Variants in TDRD12 observed in about 807,000 individuals in gnomAD.
TDRD12 encodes putative ATP-dependent RNA helicase TDRD12.
TDRD12 carries 158 observed loss-of-function variants against 133.5 expected under a neutral mutation model. The observed-to-expected ratio is 1.18, with a 90% CI of 1.04 to 1.35. The LOEUF is 1.35. TDRD12 is among the 40% of genes most tolerant of loss of function. TDRD12 has a pLI of 0.00. For synonymous variants in TDRD12, 460 were observed against 477.9 expected (o/e 0.96, Z 0.49); for missense variants, 1,443 against 1,321.3 (o/e 1.09, Z -1.43).
chr19:32,800,842 T>G, intron 18 of TDRD12, 70 bp downstream of exon 18: 2 of 1,414,330 alleles, frequency 1.4e-6, no homozygotes, highest in Non-Finnish European at 1.9e-6. Context: ...ATCACAAAAT[T>G]ACTGGGGTGG....
chr19:32,821,294 G>C, downstream of TDRD12: 1 of 708,116 alleles, frequency 1.4e-6, no homozygotes, highest in Non-Finnish European at 2.3e-6. Context: ...TCAGCCCCCA[G>C]TGTTTTGTTT....
At chr19:32,827,374 T>TTTCTTTTCA in exon 10 of TDRD12, 1 of 210,076 alleles carries the variant, frequency 4.8e-6, no homozygotes. Context: ...TTTCTTTTCT[T>TTTCTTTTCA]TTTTTTTTTT....
chr19:32,826,863 C>A, intron 9 of TDRD12, 114 bp downstream of exon 32: 1 of 641,712 alleles, frequency 1.6e-6, no homozygotes, highest in Non-Finnish European at 2.2e-6. Flanking sequence ...CATGTCAAGC[C>A]CTGAGAAATC....
chr19:32,730,603 G>C (rs1439753927), intron 1 of TDRD12, among the ~76,000 whole-genome samples: 1 of 152,108 alleles, frequency 6.6e-6, no homozygotes, highest in Non-Finnish European at 1.5e-5. Flanking sequence ...CTTCAGAAAA[G>C]TAGAAATAAT....
At chr19:32,805,159 A>G (rs944670626) in intron 21 of TDRD12, among the ~76,000 whole-genome samples, 1 of 140,218 alleles carries the variant, frequency 7.1e-6, no homozygotes, top group Non-Finnish European at 1.5e-5. Context: ...TGTATTATAT[A>G]TGTTATATAT....
rs200844127 is a variant in TDRD12, at chr19:32,734,112, GTCTTGATC to G, written c.183+2232_183+2239del. On this transcript the variant is annotated intron_variant, in intron 2 of 27. Transcript: ENST00000444215. ...GGATTTCACCCTGGTAGCCAGGATGGTCTTGATCTCCTGACTTCATGATCCACCCGTCT... is the reference window on the plus strand; with the variant it reads ...GGATTTCACCCTGGTAGCCAGGATGGTCCTGACTTCATGATCCACCCGTCT... Among the ~76,000 whole-genome samples the G allele has an allele frequency of 8.1e-3, 1,227 of 152,038 alleles. 15 individuals carry two copies. Among genetic ancestry groups the G allele is most frequent in the African/African-American group, 0.028 (1,164 of 41,508 alleles).
intron 25 of TDRD12, 64 bp downstream of exon 25, chr19:32,813,840 A>T (rs1001200241): frequency 1.7e-5 from 16 of 946,110 alleles, no homozygotes; most frequent in Non-Finnish European, 2.4e-5. Flanking sequence ...TATCCAGATT[A>T]TTCTAAGCCC....
chr19:32,826,122 G>A, downstream of TDRD12: 1 of 1,535,768 alleles, frequency 6.5e-7, no homozygotes, highest in Non-Finnish European at 8.7e-7. Flanking sequence ...AACACTGAAG[G>A]TGCCTTCATT....
chr19:32,776,174 G>A (rs11880753), intron 10 of TDRD12, among the ~76,000 whole-genome samples: 34,559 of 152,086 alleles, frequency 0.23, 4,247 homozygotes, highest in African/African-American at 0.32. Context: ...CTCCTTCCCC[G>A]TATTCCTCTG....
chr19:32,774,374 T>A (rs940633625), intron 10 of TDRD12, among the ~76,000 whole-genome samples: 10 of 152,240 alleles, frequency 6.6e-5, no homozygotes, highest in Non-Finnish European at 1.3e-4. Context: ...AGCTCCATAT[T>A]TCCATCTGGT....
At chr19:32,796,455 C>T (rs1465523384) in intron 14 of TDRD12, among the ~76,000 whole-genome samples, 2 of 151,920 alleles carry the variant, frequency 1.3e-5, no homozygotes, top group Non-Finnish European at 2.9e-5. Context: ...CGTGGTGGCA[C>T]ACGCCTGTAG....
At chr19:32,798,858 G>T (rs1320442822) in intron 16 of TDRD12, among the ~76,000 whole-genome samples, 1 of 152,168 alleles carries the variant, frequency 6.6e-6, no homozygotes, top group Non-Finnish European at 1.5e-5. Context: ...AACATCAGGG[G>T]TGTGTTTTAC....
chr19:32,785,794 C>G (rs1390337436), intron 11 of TDRD12, among the ~76,000 whole-genome samples: 1 of 152,038 alleles, frequency 6.6e-6, no homozygotes, highest in Non-Finnish European at 1.5e-5. Context: ...AGATCTTCCT[C>G]CATCCCTTTA....
chr19:32,810,218 T>G, exon 23 of TDRD12: 1 of 1,535,778 alleles, frequency 6.5e-7, no homozygotes, highest in Non-Finnish European at 8.7e-7. Flanking sequence ...ATAAAACAAC[T>G]GTGGAAAAGG....
chr19:32,759,164 G>A (rs187876842), intron 8 of TDRD12, among the ~76,000 whole-genome samples: 2 of 152,308 alleles, frequency 1.3e-5, no homozygotes, highest in East Asian at 3.9e-4. Flanking sequence ...GATGAAATGA[G>A]AAACTAGGAT....
intron 8 of TDRD12, among the ~76,000 whole-genome samples, chr19:32,761,649 A>G (rs956484634): frequency 5.3e-5 from 8 of 152,232 alleles, no homozygotes; most frequent in Non-Finnish European, 8.8e-5. Flanking sequence ...TGCTGTTGGT[A>G]TATCTTCTCA....
At chr19:32,792,513 A>G (rs956731413) in intron 13 of TDRD12, among the ~76,000 whole-genome samples, 2 of 152,206 alleles carry the variant, frequency 1.3e-5, no homozygotes. Flanking sequence ...TGTTTGAGAC[A>G]TAAAAGAGAA....
chr19:32,739,612 G>GT (rs1301717857), intron 3 of TDRD12, among the ~76,000 whole-genome samples: 2 of 147,638 alleles, frequency 1.4e-5, no homozygotes, highest in African/African-American at 2.5e-5. Context: ...GCATCTCCTG[G>GT]GTGCTGTCTG....
At chr19:32,798,360 G>C in exon 16 of TDRD12, 1 of 1,535,878 alleles carries the variant, frequency 6.5e-7, no homozygotes, top group South Asian at 1.2e-5. Flanking sequence ...TCGCCTGTCA[G>C]AGCCTGCTGT....
Sources: gnomAD v4.1 joint callset for allele counts (sites outside exome capture counted in the v4.1 genomes callset) on GRCh38, gnomAD v4.1.1 for gene constraint, MANE v1.5 for transcripts, NCBI Gene and HGNC (gene_info 2026-07-23, HGNC 2026-07-21) for gene names.